CCDC178: variants seen among roughly 807,000 people sequenced by gnomAD.
CCDC178 encodes the protein coiled-coil domain containing 178.
In CCDC178, 126 loss-of-function variants were observed where a neutral mutation model predicts 117.4. The ratio of observed to expected loss-of-function variants is 1.07; its 90% CI spans 0.93 to 1.24. The LOEUF (loss-of-function observed/expected upper bound fraction) is 1.24. Ranked by LOEUF, CCDC178 falls within the 50% of genes most tolerant of loss-of-function variation. CCDC178 has a pLI of 0.00. For synonymous variants in CCDC178, 283 were observed against 313.4 expected (o/e 0.90, Z 1.02); for missense variants, 1,030 against 986.9 (o/e 1.04, Z -0.59).
chr18:33,377,798 T>C (rs1023159389), intron 5 of CCDC178, among the ~76,000 whole-genome samples: 1 of 152,184 alleles, frequency 6.6e-6, no homozygotes, highest in Non-Finnish European at 1.5e-5. Flanking sequence ...TTCTTTTCCA[T>C]TGATCTATAT....
chr18:33,237,935 CAT>C (rs1054161091), intron 15 of CCDC178, among the ~76,000 whole-genome samples: 90 of 152,330 alleles, frequency 5.9e-4, no homozygotes, highest in African/African-American at 2.1e-3. Context: ...CATGTGTACA[CAT>C]GTGTCCCTGA....
At chr18:33,234,149 T>G (rs2059399693) in intron 15 of CCDC178, among the ~76,000 whole-genome samples, 1 of 152,144 alleles carries the variant, frequency 6.6e-6, no homozygotes, top group African/African-American at 2.4e-5. Context: ...GTTTATTTAC[T>G]TCCTCAAATG....
intron 20 of CCDC178, among the ~76,000 whole-genome samples, chr18:33,137,935 A>G (rs780161965): frequency 6.6e-6 from 1 of 152,216 alleles, no homozygotes; most frequent in Non-Finnish European, 1.5e-5. Flanking sequence ...AGTGTAATGG[A>G]AAGTGGACAA....
intron 19 of CCDC178, among the ~76,000 whole-genome samples, chr18:33,214,149 T>C (rs978978849): frequency 2.6e-5 from 4 of 152,084 alleles, no homozygotes; most frequent in African/African-American, 9.7e-5. Context: ...TTAGATTCCC[T>C]GAGCCTCTGT....
intron 21 of CCDC178, among the ~76,000 whole-genome samples, chr18:33,071,474 C>T (rs2057107525): frequency 1.3e-5 from 2 of 152,022 alleles, no homozygotes; most frequent in African/African-American, 4.8e-5. Flanking sequence ...ATCAAATTTT[C>T]ATCACCTGGA....
At chr18:32,991,343 G>C (rs1373367994) in intron 21 of CCDC178, among the ~76,000 whole-genome samples, 2 of 152,112 alleles carry the variant, frequency 1.3e-5, no homozygotes, top group Admixed American at 6.5e-5. Flanking sequence ...ATGAAAATAA[G>C]GGGCCAGGAT....
chr18:33,377,652 A>C (rs1377804651), intron 5 of CCDC178, among the ~76,000 whole-genome samples: 1 of 152,196 alleles, frequency 6.6e-6, no homozygotes, highest in Non-Finnish European at 1.5e-5. Context: ...GTCCAATTTC[A>C]ATCTTCTGCC....
chr18:33,299,195 C>A (rs1276335125), intron 11 of CCDC178, among the ~76,000 whole-genome samples: 1 of 152,072 alleles, frequency 6.6e-6, no homozygotes, highest in Admixed American at 6.6e-5. Flanking sequence ...AGGTACCACA[C>A]TACCTGACTA....
chr18:33,025,783 G>T (rs8095792), intron 21 of CCDC178, among the ~76,000 whole-genome samples: 23,073 of 152,094 alleles, frequency 0.15, 2,591 homozygotes, highest in African/African-American at 0.32. Context: ...GGTAATAATT[G>T]ATGGTACAAT....
chr18:33,344,005 A>C (rs1193158343), intron 9 of CCDC178, among the ~76,000 whole-genome samples: 2 of 152,178 alleles, frequency 1.3e-5, no homozygotes, highest in Non-Finnish European at 2.9e-5. Context: ...AGAGAAAGCT[A>C]TTAACTTTAA....
At chr18:33,331,026 C>CT (rs67153629) in intron 10 of CCDC178, among the ~76,000 whole-genome samples, 2,214 of 44,964 alleles carry the variant, frequency 0.049, 438 homozygotes, top group Non-Finnish European at 0.062. Context: ...ACAAACATTG[C>CT]TTTTTTTTTT....
chr18:33,393,042 T>A (rs2063583128), intron 4 of CCDC178, among the ~76,000 whole-genome samples: 1 of 152,108 alleles, frequency 6.6e-6, no homozygotes. Context: ...CGTGAATAAT[T>A]TCTCAAAATC....
At chr18:33,244,226 T>C (rs564911494) in intron 15 of CCDC178, among the ~76,000 whole-genome samples, 1 of 151,786 alleles carries the variant, frequency 6.6e-6, no homozygotes, top group African/African-American at 2.4e-5. Flanking sequence ...ACAGACTGTA[T>C]ATTTTCTAGG....
At chr18:33,147,077 T>C (rs2058276359) in intron 20 of CCDC178, among the ~76,000 whole-genome samples, 1 of 149,706 alleles carries the variant, frequency 6.7e-6, no homozygotes, top group Non-Finnish European at 1.5e-5. Flanking sequence ...CCCAAAGCCA[T>C]AAAGAACAAT....
chr18:33,184,034 A>T (rs1361169568), intron 20 of CCDC178, among the ~76,000 whole-genome samples: 1 of 152,122 alleles, frequency 6.6e-6, no homozygotes, highest in Admixed American at 6.6e-5. Flanking sequence ...TCTACAGCTT[A>T]AAGTATAACT....
chr18:33,117,627 T>C (rs545880442), intron 20 of CCDC178, among the ~76,000 whole-genome samples: 1 of 151,868 alleles, frequency 6.6e-6, no homozygotes, highest in South Asian at 2.1e-4. Context: ...ATGTAAATGA[T>C]GAGTTAATGG....
rs371340131 is a variant in CCDC178 at position 33,036,821 on chromosome 18, C to T, written c.2388+55940G>A. Reference sequence around the variant, plus strand: ...TTTTGATAAAGGCTAAGACAAGACACGGGGAGACAGAATAGGAAGCGGTTG... The same window carrying T: ...TTTTGATAAAGGCTAAGACAAGACATGGGGAGACAGAATAGGAAGCGGTTG... On this transcript the variant is annotated intron_variant, in intron 21 of 22. Transcript: ENST00000383096. Among the ~76,000 whole-genome samples the T allele has an allele frequency of 5.9e-5, 9 of 151,836 alleles. No homozygotes were observed. In the East Asian group the frequency reaches 1.4e-3, roughly 23 times the overall value.
At chr18:33,293,819 T>C (rs945704207) in intron 11 of CCDC178, among the ~76,000 whole-genome samples, 1 of 152,146 alleles carries the variant, frequency 6.6e-6, no homozygotes, top group African/African-American at 2.4e-5. Flanking sequence ...AAGTCATCAA[T>C]AGTATTGTTT....
chr18:33,106,861 A>G (rs1229910305), intron 20 of CCDC178, among the ~76,000 whole-genome samples: 1 of 151,730 alleles, frequency 6.6e-6, no homozygotes, highest in Non-Finnish European at 1.5e-5. Flanking sequence ...CCGTCATCAA[A>G]CCTATAACTG....
Sources: allele counts gnomAD v4.1 joint callset (sites outside exome capture counted in the v4.1 genomes callset), GRCh38; gene constraint gnomAD v4.1.1; transcripts MANE v1.5; gene names NCBI Gene and HGNC (gene_info 2026-07-23, HGNC 2026-07-21).